Variants in SLC35F3 observed in about 807,000 individuals in gnomAD.
The protein encoded by SLC35F3 is solute carrier family 35 member F3.
In SLC35F3, 25 loss-of-function variants were observed where a neutral mutation model predicts 49.9. The ratio of observed to expected loss-of-function variants is 0.50; its 90% CI spans 0.37 to 0.70. The LOEUF (loss-of-function observed/expected upper bound fraction) is 0.70. Among genes scored for constraint, SLC35F3 ranks in the 30% least tolerant of loss-of-function variants. The pLI is 0.00. For synonymous variants in SLC35F3, 275 were observed against 265.4 expected, an observed-to-expected ratio of 1.04 and a Z score of -0.35; for missense variants, 525 against 639.8, an observed-to-expected ratio of 0.82 and a Z score of 1.94.
chr1:233,968,325 A>G (rs1313656283), intron 2 of SLC35F3, among the ~76,000 whole-genome samples: 1 of 152,054 alleles, frequency 6.6e-6, no homozygotes, highest in South Asian at 2.1e-4. Context: ...ATCTTAACTA[A>G]TGACATCTGA....
intron 2 of SLC35F3, among the ~76,000 whole-genome samples, chr1:233,913,782 T>C (rs1193338554): frequency 2.0e-5 from 3 of 152,232 alleles, no homozygotes; most frequent in Non-Finnish European, 2.9e-5. Flanking sequence ...CTCTTCAGTC[T>C]TCACTTTAAC....
chr1:234,320,109 G>T lies in SLC35F3; in HGVS notation c.1159G>T (p.Val387Leu). The T allele has an allele frequency of 1.2e-6, 2 of 1,603,654 alleles. No homozygotes were observed. Among genetic ancestry groups the T allele is most frequent in the East Asian group, 4.5e-5 (2 of 44,836 alleles). The part of the protein sequence containing the change: ...FSVLLLTFNI[V>L]LNFGIAVTYP... Reference sequence around the variant, plus strand: ...ATTCTTTATTTCAGCATTCAATATTGTATTAAATTTTGGAATTGCCGTTAC... The same window carrying T: ...ATTCTTTATTTCAGCATTCAATATTTTATTAAATTTTGGAATTGCCGTTAC... The change falls in exon 7 of 8, where the codon GTA (valine) becomes TTA (leucine). Residue 387 changes from valine to leucine, a missense_variant. Around this residue, in one of 4 missense-constraint regions of SLC35F3, gnomAD observed 216 missense variants for 298.1 expected, o/e 0.72. Coordinates refer to ENST00000366618, the MANE Select transcript of SLC35F3 (RefSeq NM_173508.4). This position sits in a 1 kb window ranked among gnomAD's most constrained non-coding sequence, Gnocchi z 4.8.
chr1:234,117,912 ATGTGTGTGTGTG>A (rs370186911), intron 2 of SLC35F3, among the ~76,000 whole-genome samples: 21,149 of 113,766 alleles, frequency 0.19, 2,987 homozygotes, highest in East Asian at 0.62. Context: ...AAGACTATAT[ATGTGTGTGTGTG>A]TGTGTGTGTG....
chr1:233,912,736 A>G (rs1159362248), intron 2 of SLC35F3, among the ~76,000 whole-genome samples: 2 of 152,188 alleles, frequency 1.3e-5, no homozygotes. Flanking sequence ...CCTGGGTGGG[A>G]TGAAGTGGGA....
At chr1:233,958,574 A>G (rs773541216) in intron 2 of SLC35F3, among the ~76,000 whole-genome samples, 4 of 152,264 alleles carry the variant, frequency 2.6e-5, no homozygotes, top group Non-Finnish European at 5.9e-5. Flanking sequence ...AAATTTTATG[A>G]ATCTTGATCA....
chr1:234,003,423 A>T (rs1663582345), intron 2 of SLC35F3, among the ~76,000 whole-genome samples: 1 of 152,190 alleles, frequency 6.6e-6, no homozygotes, highest in African/African-American at 2.4e-5. Context: ...CAACAGGAAA[A>T]AACAGATTAT....
chr1:234,096,381 G>A (rs1031492315), intron 2 of SLC35F3, among the ~76,000 whole-genome samples: 9 of 152,154 alleles, frequency 5.9e-5, no homozygotes, highest in East Asian at 1.9e-4. Flanking sequence ...GAGGGATTCC[G>A]TTAAATAGCT....
chr1:234,214,670 T>C lies in SLC35F3; in HGVS notation c.284-16747T>C, dbSNP rs1394166427. The C allele has an allele frequency of 1.9e-5, 27 of 1,413,978 alleles. No homozygotes were observed. The Admixed American group carries it at 7.5e-4, about 39-fold the overall frequency. 87.6% of individuals were successfully genotyped at this position (1,413,978 alleles called of 1,614,324 possible). A position where few individuals can be genotyped will look rare whatever the true frequency, so the allele number is the denominator to read the frequency against. On this transcript the variant is annotated intron_variant, in intron 2 of 7. Transcript: ENST00000366618. This position sits in a 1 kb window ranked among gnomAD's most constrained non-coding sequence, Gnocchi z 8.0. ...CTGTCTGGCTGCGGGGCGCCGGGGC[T>C]GGGGGTACTGCTCCCCCAGGACGCG... is the stretch of plus-strand genomic sequence containing the variant.
intron 3 of SLC35F3, among the ~76,000 whole-genome samples, chr1:234,258,087 C>T (rs1243410680): frequency 6.6e-6 from 1 of 152,166 alleles, no homozygotes; most frequent in Non-Finnish European, 1.5e-5. Flanking sequence ...TCATATGGTT[C>T]ACCAAGTGGA....
At chr1:234,076,826 T>C (rs530848667) in intron 2 of SLC35F3, among the ~76,000 whole-genome samples, 1 of 152,200 alleles carries the variant, frequency 6.6e-6, no homozygotes, top group East Asian at 1.9e-4. Context: ...CGATAAAGTG[T>C]GCCACCCAAG....
At chr1:234,095,770 T>C (rs1468313710) in intron 2 of SLC35F3, among the ~76,000 whole-genome samples, 1 of 152,210 alleles carries the variant, frequency 6.6e-6, no homozygotes. Flanking sequence ...TGTTCCACCT[T>C]TCTGTGCCTC....
rs75812433 is a variant in SLC35F3 at position 233,937,846 on chromosome 1, G to A, written c.283+32088G>A. ...AGTCAGGGGGCAAGGATGGGAGACA[G>A]AGTTCGATAGTGTTGGTGAGTGCGG... On this transcript the variant is annotated intron_variant, in intron 2 of 7. Coordinates refer to ENST00000366618, the MANE Select transcript of SLC35F3 (RefSeq NM_173508.4). 5.8e-3 allele frequency among the ~76,000 whole-genome samples: 883 copies of A among 152,314 alleles called. 3 individuals carry two copies. The highest frequency in any genetic ancestry group is 9.2e-3 in the Non-Finnish European group (623 of 68,010).
chr1:234,054,898 G>A (rs1385675661), intron 2 of SLC35F3, among the ~76,000 whole-genome samples: 1 of 152,200 alleles, frequency 6.6e-6, no homozygotes, highest in Admixed American at 6.5e-5. Flanking sequence ...GTTGGAGTTT[G>A]CTGGAGGTCC....
At chr1:234,272,588 G>T in intron 3 of SLC35F3, 1 of 152,426 alleles carries the variant, frequency 6.6e-6, no homozygotes, top group Non-Finnish European at 1.5e-5. Flanking sequence ...CTTGGCCTCT[G>T]TGCTCTTCAA....
chr1:234,150,708 C>A (rs1666063993), intron 2 of SLC35F3, among the ~76,000 whole-genome samples: 1 of 151,974 alleles, frequency 6.6e-6, no homozygotes, highest in Non-Finnish European at 1.5e-5. Flanking sequence ...TGTCTATATT[C>A]CTACATTAAA....
At position 234,179,196 on chromosome 1, in the gene SLC35F3, C is replaced by T. The variant is rs147559342; in HGVS notation, c.284-52221C>T. On this transcript the variant is annotated intron_variant, in intron 2 of 7. Transcript: ENST00000366618. The stretch of plus-strand genomic sequence containing the variant: ...CCTGAGTAGAATAGAACTCCTACGC[C>T]GAGTGTTTCAGTGAACAGAGAATTT... 3.3e-4 allele frequency among the ~76,000 whole-genome samples: 50 copies of T among 152,170 alleles called. No individual in the cohort carries two copies. The East Asian group carries it at 9.1e-3, about 28-fold the overall frequency.
rs553739220 is a variant in SLC35F3, at chr1:234,289,464, T to C, written c.609-19637T>C. On this transcript the variant is annotated intron_variant, in intron 3 of 7. Transcript: ENST00000366618. ...TACTGGAAATATGACTGTACCTCTC[T>C]ATATAAAGGTGGAAATCCAAGAAGG... Among the ~76,000 whole-genome samples the C allele has an allele frequency of 3.3e-5, 5 of 152,156 alleles. 1 individual carries two copies. The highest frequency in any genetic ancestry group is 7.3e-5 in the Non-Finnish European group (5 of 68,030).
chr1:234,229,684 G>GTTTTTGACA (rs1372775160), intron 2 of SLC35F3, among the ~76,000 whole-genome samples: 3 of 152,232 alleles, frequency 2.0e-5, no homozygotes, highest in Non-Finnish European at 4.4e-5. Context: ...TTCAGGATGA[G>GTTTTTGACA]TTTTTGACAG....
intron 2 of SLC35F3, among the ~76,000 whole-genome samples, chr1:233,999,951 G>A (rs1663525410): frequency 6.6e-6 from 1 of 152,064 alleles, no homozygotes; most frequent in African/African-American, 2.4e-5. Flanking sequence ...CTTCTTTAAA[G>A]CAAAGTCCTT....
Sources: allele counts gnomAD v4.1 joint callset (sites outside exome capture counted in the v4.1 genomes callset), GRCh38; gene constraint gnomAD v4.1.1; regional missense constraint gnomAD v4.1.1; non-coding constraint Gnocchi (gnomAD v3.1); transcripts MANE v1.5; gene names NCBI Gene and HGNC (gene_info 2026-07-23, HGNC 2026-07-21).